Variants in APP observed in about 807,000 individuals in gnomAD.
APP encodes the protein amyloid beta precursor protein, also known as amyloid-beta precursor protein.
In APP, 31 loss-of-function variants were observed where a neutral mutation model predicts 101.4. That is an observed-to-expected ratio of 0.31 (90% CI 0.23 to 0.41). The LOEUF (loss-of-function observed/expected upper bound fraction) is 0.41, where lower values mean the gene tolerates loss of function less well. Ranked by LOEUF, APP falls within the 10% of genes least tolerant of loss-of-function variation. The probability of loss-of-function intolerance (pLI) is 1.00; values close to 1 mark genes in which losing one functional copy is unlikely to be tolerated. For synonymous variants in APP, 366 were observed against 364.4 expected, an observed-to-expected ratio of 1.00 and a Z score of -0.05; for missense variants, 839 against 1,003.7, an observed-to-expected ratio of 0.84 and a Z score of 2.22.
At chr21:26,022,734 T>C (rs2044397409) in intron 5 of APP, among the ~76,000 whole-genome samples, 1 of 152,232 alleles carries the variant, frequency 6.6e-6, no homozygotes, top group Non-Finnish European at 1.5e-5. Context: ...CTTCTCATAG[T>C]GCACATACAA....
chr21:26,042,215 T>C (rs2045403031), intron 5 of APP, among the ~76,000 whole-genome samples: 1 of 152,178 alleles, frequency 6.6e-6, no homozygotes, highest in South Asian at 2.1e-4. Flanking sequence ...AACTTGTAAC[T>C]CCAGAGATAC....
chr21:25,998,711 A>C (rs983650252), intron 7 of APP, among the ~76,000 whole-genome samples: 1 of 152,188 alleles, frequency 6.6e-6, no homozygotes, highest in Non-Finnish European at 1.5e-5. Context: ...ACAGTTATTG[A>C]GTTTCATTTT....
At chr21:25,897,766 T>C (rs1209736759) in intron 15 of APP, 93 bp from the exon 16 acceptor site, 2 of 1,038,936 alleles carry the variant, frequency 1.9e-6, no homozygotes, top group Non-Finnish European at 3.0e-6. Context: ...CAAAACTTCT[T>C]TCTAGGCCTG....
intron 16 of APP, among the ~76,000 whole-genome samples, chr21:25,893,206 G>A (rs973658105): frequency 6.6e-6 from 1 of 152,164 alleles, no homozygotes; most frequent in Non-Finnish European, 1.5e-5. Context: ...AATGTTGTGT[G>A]TGTTCTGTCT....
intron 6 of APP, among the ~76,000 whole-genome samples, chr21:26,019,206 C>T (rs1196845604): frequency 6.6e-6 from 1 of 152,226 alleles, no homozygotes; most frequent in Admixed American, 6.5e-5. Context: ...TAATTAATCA[C>T]CTGCAGTTAA....
chr21:25,957,303 T>A (rs2041362696), intron 11 of APP, among the ~76,000 whole-genome samples: 1 of 152,130 alleles, frequency 6.6e-6, no homozygotes, highest in Non-Finnish European at 1.5e-5. Context: ...AAAGAGGTAA[T>A]GACTGATAAG....
intron 3 of APP, chr21:26,089,668 G>A: frequency 3.0e-6 from 1 of 328,644 alleles, no homozygotes; most frequent in Non-Finnish European, 5.8e-6. Flanking sequence ...GCTACTATAG[G>A]CATTTTTCAT....
intron 3 of APP, among the ~76,000 whole-genome samples, chr21:26,062,141 C>T (rs1314991851): frequency 2.0e-5 from 3 of 151,522 alleles, no homozygotes; most frequent in Non-Finnish European, 2.9e-5. Context: ...ACCAGGGAGG[C>T]GGAGGTTGCA....
intron 5 of APP, among the ~76,000 whole-genome samples, chr21:26,027,923 G>A (rs1029603150): frequency 6.6e-6 from 1 of 152,096 alleles, no homozygotes; most frequent in Admixed American, 6.5e-5. Context: ...GGCCTGAGGA[G>A]GTGGCTCATG....
rs1346261201 is a variant in APP, at chr21:26,170,756, G to A, written c.-136C>T. 2.1e-6 allele frequency: 2 copies of A among 965,318 alleles called. No homozygotes were observed. The allele number at this position is 965,318 out of a possible 1,614,324, so 59.8% of individuals were successfully genotyped here. A position where few individuals can be genotyped will look rare whatever the true frequency, so the allele number is the denominator to read the frequency against. On this transcript the variant is annotated 5_prime_UTR_variant, in exon 1 of 18. Transcript: ENST00000346798. ...CCTCCGCGTGCTCTCGCCTACCGCT[G>A]CCGAGGAAACTGACGGAGCCCGAGC... is the stretch of plus-strand genomic sequence containing the variant.
chr21:25,962,095 C>T (rs2041606530), intron 11 of APP, among the ~76,000 whole-genome samples: 1 of 152,110 alleles, frequency 6.6e-6, no homozygotes, highest in Non-Finnish European at 1.5e-5. Flanking sequence ...ACTAATTATA[C>T]CGAATCCTAT....
intron 17 of APP, among the ~76,000 whole-genome samples, chr21:25,883,238 A>G (rs1047829788): frequency 2.0e-4 from 31 of 152,050 alleles, no homozygotes; most frequent in African/African-American, 7.5e-4. Context: ...CCTTGTCTCT[A>G]CTAAAAATAC....
chr21:26,048,248 G>A (rs551684868), intron 5 of APP, among the ~76,000 whole-genome samples: 14 of 152,128 alleles, frequency 9.2e-5, no homozygotes, highest in Admixed American at 1.3e-4. Flanking sequence ...GCTTGAACCC[G>A]GGAGGTGGAG....
intron 3 of APP, among the ~76,000 whole-genome samples, chr21:26,083,493 A>C (rs917193361): frequency 1.3e-5 from 2 of 152,262 alleles, no homozygotes; most frequent in Non-Finnish European, 2.9e-5. Flanking sequence ...GTAGACTGCA[A>C]GGAAGCCAAA....
chr21:25,966,610 G>C (rs961121672), intron 11 of APP, among the ~76,000 whole-genome samples: 2 of 152,042 alleles, frequency 1.3e-5, no homozygotes, highest in Non-Finnish European at 2.9e-5. Flanking sequence ...CTTACTATCA[G>C]TTACATTGAG....
intron 1 of APP, chr21:26,140,235 C>G: frequency 6.5e-7 from 1 of 1,536,124 alleles, no homozygotes; most frequent in Non-Finnish European, 8.7e-7. Flanking sequence ...TTGTCAATTA[C>G]ATCAGCAACT....
At chr21:26,045,493 G>A (rs1009123058) in intron 5 of APP, among the ~76,000 whole-genome samples, 43 of 152,218 alleles carry the variant, frequency 2.8e-4, no homozygotes, top group African/African-American at 9.6e-4. Flanking sequence ...TAAATTCTTC[G>A]TAAAATTAAA....
intron 1 of APP, among the ~76,000 whole-genome samples, chr21:26,164,910 A>C (rs538383004): frequency 6.6e-6 from 1 of 152,132 alleles, no homozygotes; most frequent in African/African-American, 2.4e-5. Flanking sequence ...AGAAAAAAAA[A>C]AACTAGGTAT....
intron 1 of APP, among the ~76,000 whole-genome samples, chr21:26,168,181 GCCAAAATCATCAAC>G (rs2146404752): frequency 6.6e-6 from 1 of 152,194 alleles, no homozygotes; most frequent in East Asian, 1.9e-4. Flanking sequence ...CAACATACCA[GCCAAAATCATCAAC>G]CCAGATAATA....
Sources: gnomAD v4.1 joint callset for allele counts (sites outside exome capture counted in the v4.1 genomes callset) on GRCh38, gnomAD v4.1.1 for gene constraint, MANE v1.5 for transcripts, NCBI Gene and HGNC (gene_info 2026-07-23, HGNC 2026-07-21) for gene names.